WARS1: variants seen among roughly 807,000 people sequenced by gnomAD.
WARS1 encodes the protein tryptophanyl-tRNA synthetase 1.
A neutral mutation model predicts 47.8 loss-of-function variants in WARS1; 17 were observed. The ratio of observed to expected loss-of-function variants is 0.36; its 90% confidence interval spans 0.24 to 0.53. WARS1 has a LOEUF of 0.53. Among genes scored for constraint, WARS1 ranks in the 20% least tolerant of loss-of-function variants. The pLI, the probability that WARS1 is intolerant of heterozygous loss-of-function variation, is 0.91. For missense variants in WARS1, 434 were observed against 608.0 expected (o/e 0.71, Z 3.01); for synonymous variants, 208 against 228.1 (o/e 0.91, Z 0.79).
At chr14:100,372,766 C>T (rs1288990437) in intron 1 of WARS1, among the ~76,000 whole-genome samples, 1 of 152,198 alleles carries the variant, frequency 6.6e-6, no homozygotes, top group Non-Finnish European at 1.5e-5. Context: ...CAATAGCAGA[C>T]AAGAGGCTGA....
intron 10 of WARS1, among the ~76,000 whole-genome samples, chr14:100,336,020 A>G (rs1893696788): frequency 6.6e-6 from 1 of 151,964 alleles, no homozygotes; most frequent in Non-Finnish European, 1.5e-5. Context: ...TCACAGCTGT[A>G]ATCCAAGCAC....
intron 2 of WARS1, chr14:100,368,524 A>G (rs562116271): frequency 4.4e-6 from 2 of 455,460 alleles, no homozygotes; most frequent in East Asian, 1.4e-4. Flanking sequence ...TGGGGAGTAC[A>G]TAACCAAAAG....
At chr14:100,340,917 C>T (rs896561721) in intron 9 of WARS1, among the ~76,000 whole-genome samples, 4 of 137,256 alleles carry the variant, frequency 2.9e-5, no homozygotes, top group Admixed American at 7.5e-5. Context: ...TTTTTCTTTT[C>T]TTTTTTTTTT....
chr14:100,366,682 C>T (rs1346521584), intron 2 of WARS1: 3 of 782,664 alleles, frequency 3.8e-6, no homozygotes, highest in East Asian at 2.4e-5. Flanking sequence ...TTCTAGATTA[C>T]AGACAACGGA....
At chr14:100,365,160 C>CACACACACAA (rs1895885699) in intron 2 of WARS1, among the ~76,000 whole-genome samples, 1 of 151,336 alleles carries the variant, frequency 6.6e-6, no homozygotes, top group Non-Finnish European at 1.5e-5. Context: ...CACACACACA[C>CACACACACAA]ACAAATAATG....
At chr14:100,367,777 C>T (rs192683122) in intron 2 of WARS1, among the ~76,000 whole-genome samples, 41 of 152,244 alleles carry the variant, frequency 2.7e-4, no homozygotes, top group African/African-American at 9.6e-4. Context: ...AGAGCAGTGG[C>T]TTCAGCATTT....
rs567189914 is a variant in WARS1 at position 100,374,640 on chromosome 14, G to C, written c.-74+643C>G. The stretch of plus-strand genomic sequence containing the variant: ...ACGCTGATTCTGCAATCTGGGGAAG[G>C]GTGGCATCAAGACAGCCAATTCTGG... On this transcript the variant is annotated intron_variant, in intron 1 of 10. Transcript: ENST00000392882. The C allele has an allele frequency of 2.6e-5, 4 of 152,330 alleles. No individual in the cohort carries two copies. In the South Asian group the frequency reaches 8.3e-4, roughly 32 times the overall value. 9.4% of individuals were successfully genotyped at this position (152,330 alleles called of 1,614,324 possible).
chr14:100,351,939 G>A (rs1895008926), intron 6 of WARS1, among the ~76,000 whole-genome samples: 1 of 151,318 alleles, frequency 6.6e-6, no homozygotes. Flanking sequence ...CTTGCAGTGA[G>A]CCGAGATTGT....
chr14:100,370,893 C>T (rs4905957), intron 1 of WARS1, among the ~76,000 whole-genome samples: 107,072 of 151,966 alleles, frequency 0.7, 38,678 homozygotes, highest in Admixed American at 0.82. Flanking sequence ...CAGTGAGCTA[C>T]GTTTGCGCCA....
chr14:100,364,254 G>A (rs139283646), intron 2 of WARS1, among the ~76,000 whole-genome samples: 247 of 152,338 alleles, frequency 1.6e-3, no homozygotes, highest in African/African-American at 5.8e-3. Flanking sequence ...ACCTAGCATT[G>A]CTTCTTTAGT....
chr14:100,370,459 A>C (rs1470549882), intron 1 of WARS1: 1 of 152,164 alleles, frequency 6.6e-6, no homozygotes, highest in African/African-American at 2.4e-5. Context: ...GCTGTTATTA[A>C]ATTTCTTGTG....
chr14:100,342,331 T>C (rs370858644), intron 9 of WARS1, 67 bp downstream of exon 9: 22 of 1,596,492 alleles, frequency 1.4e-5, no homozygotes, highest in East Asian at 1.3e-4. Flanking sequence ...GTGGTGTGTG[T>C]GTGCGTGTGC....
intron 9 of WARS1, among the ~76,000 whole-genome samples, chr14:100,337,731 G>A (rs1443312785): frequency 2.6e-5 from 4 of 150,954 alleles, no homozygotes; most frequent in Non-Finnish European, 5.9e-5. Context: ...GGTGACGTGC[G>A]CCTGTAGTCC....
At chr14:100,346,935 T>A in intron 6 of WARS1, 89 bp from the exon 7 acceptor site, 1 of 1,166,534 alleles carries the variant, frequency 8.6e-7, no homozygotes, top group Non-Finnish European at 1.3e-6. Context: ...TGCCAATGAG[T>A]AGTGGCATGG....
rs776680791 is a variant in WARS1 at position 100,360,674 on chromosome 14, G to T, written c.314-12C>A. On this transcript the variant is annotated splice_polypyrimidine_tract_variant and intron_variant, in intron 3 of 10. Transcript: ENST00000392882. The stretch of plus-strand genomic sequence containing the variant: ...ACTTCCAAACCGAACTGGAAAAAAA[G>T]AAAAGATGACTTTCTTAGGTGGCAG... 1.2e-6 allele frequency: 2 copies of T among 1,601,600 alleles called. No individual in the cohort carries two copies. The highest frequency in any genetic ancestry group is 2.7e-5 in the African/African-American group (2 of 74,396).
intron 10 of WARS1, among the ~76,000 whole-genome samples, chr14:100,335,467 T>C (rs1893657673): frequency 6.6e-6 from 1 of 151,980 alleles, no homozygotes; most frequent in African/African-American, 2.4e-5. Context: ...AACCTCCGCC[T>C]CCCAGGTTCA....
At chr14:100,340,750 C>G (rs953042509) in intron 9 of WARS1, among the ~76,000 whole-genome samples, 1 of 152,056 alleles carries the variant, frequency 6.6e-6, no homozygotes. Flanking sequence ...GAGTGAGGGC[C>G]TGGGCGGGCC....
At chr14:100,374,941 T>C (rs1896563273) in intron 1 of WARS1, 1 of 152,180 alleles carries the variant, frequency 6.6e-6, no homozygotes. Context: ...GGCAAAGACA[T>C]TAATTTCTAT....
chr14:100,376,216 C>G (rs984007607), upstream of WARS1: 1 of 336,610 alleles, frequency 3.0e-6, no homozygotes, highest in Admixed American at 5.2e-5. Flanking sequence ...ATCACTCCCT[C>G]CCTTGTTTCC....
Sources: gnomAD v4.1 joint callset for allele counts (sites outside exome capture counted in the v4.1 genomes callset) on GRCh38, gnomAD v4.1.1 for gene constraint, MANE v1.5 for transcripts, NCBI Gene and HGNC (gene_info 2026-07-23, HGNC 2026-07-21) for gene names.